The following MID1 variants were observed in gnomAD, a reference collection of about 807,000 sequenced individuals.
The protein encoded by MID1 is E3 ubiquitin-protein ligase Midline-1.
A neutral mutation model predicts 40.4 loss-of-function variants in MID1; 7 were observed. The observed-to-expected ratio is 0.17, with a 90% CI of 0.10 to 0.33. MID1 has a LOEUF of 0.33. Among genes scored for constraint, MID1 ranks in the 10% least tolerant of loss-of-function variants. The pLI is 1.00. For missense variants in MID1, 367 were observed against 558.5 expected (o/e 0.66, Z 3.46); for synonymous variants, 229 against 221.2 (o/e 1.04, Z -0.31).
chrX:10,721,721 A>T (rs1157486058), intron 1 of MID1, among the ~76,000 whole-genome samples: 1 of 44,513 alleles, frequency 2.2e-5, no homozygotes, highest in Non-Finnish European at 6.4e-5. Context: ...TTTAAATCTA[A>T]AAAAAAAAAA....
At chrX:10,750,404 G>C (rs111494131) in intron 1 of MID1, among the ~76,000 whole-genome samples, 8,896 of 110,765 alleles carry the variant, frequency 0.08, 863 homozygotes, top group African/African-American at 0.27. Context: ...GGCTGAGGCA[G>C]GCAGATCACT....
At chrX:10,723,504 A>T (rs375343490) in intron 1 of MID1, among the ~76,000 whole-genome samples, 36 of 113,144 alleles carry the variant, frequency 3.2e-4, no homozygotes, top group African/African-American at 1.1e-3. Context: ...ATCGATTTTT[A>T]AAATGTCATT....
chrX:10,476,061 C>T (rs1045059303), intron 5 of MID1, among the ~76,000 whole-genome samples: 15 of 111,398 alleles, frequency 1.3e-4, no homozygotes, highest in African/African-American at 3.9e-4. Context: ...CACTGACACA[C>T]GCTACGATGT....
Position 10,755,660 on chromosome X carries a change from T to C in MID1, c.-187+77894A>G, listed in dbSNP as rs984948205. Among the ~76,000 whole-genome samples, 34 of 111,933 alleles carry C rather than the reference T, an allele frequency of 3.0e-4. 1 individual carries two copies. The highest frequency in any genetic ancestry group is 6.4e-4 in the Non-Finnish European group (34 of 53,180). The stretch of plus-strand genomic sequence containing the variant: ...GGAATTCCAAATGAACTAAGAAATG[T>C]GGAGCGAGCCAACCTAGTTCAGCGG... On this transcript the variant is annotated intron_variant, in intron 1 of 10. Coordinates refer to the MID1 transcript ENST00000380785.
At chrX:10,743,470 CA>C (rs1332419169) in intron 1 of MID1, among the ~76,000 whole-genome samples, 1 of 112,242 alleles carries the variant, frequency 8.9e-6, no homozygotes, top group African/African-American at 3.2e-5. Flanking sequence ...GCCTTTGTTC[CA>C]TGTTCCAGGA....
At chrX:10,613,718 TATATATATATATATAGAG>T (rs1211450156) in intron 1 of MID1, among the ~76,000 whole-genome samples, 1 of 55,478 alleles carries the variant, frequency 1.8e-5, no homozygotes, top group East Asian at 5.3e-4. Flanking sequence ...TATATATATA[TATATATATATATATAGAG>T]AGAGAGAGAG....
At chrX:10,589,172 A>G (rs1026459602) in intron 1 of MID1, among the ~76,000 whole-genome samples, 1 of 112,009 alleles carries the variant, frequency 8.9e-6, no homozygotes, top group Non-Finnish European at 1.9e-5. Flanking sequence ...AGCCAGGTCA[A>G]AACCAAAACT....
intron 1 of MID1, among the ~76,000 whole-genome samples, chrX:10,770,252 T>C (rs1301092192): frequency 8.9e-6 from 1 of 112,288 alleles, no homozygotes; most frequent in Non-Finnish European, 1.9e-5. Context: ...GATCTTAAGG[T>C]TGATCCCATT....
intron 1 of MID1, among the ~76,000 whole-genome samples, chrX:10,572,104 A>ACTCTCTCT (rs59928523): frequency 9.9e-5 from 7 of 70,409 alleles, no homozygotes; most frequent in Non-Finnish European, 2.1e-4. Context: ...CTTTCTTTTC[A>ACTCTCTCT]CTCTCTCTCT....
chrX:10,575,770 G>C (rs1934856062), intron 1 of MID1, among the ~76,000 whole-genome samples: 1 of 110,936 alleles, frequency 9.0e-6, no homozygotes, highest in Admixed American at 9.7e-5. Flanking sequence ...CATAATGTAG[G>C]CTGTTTCAGT....
At chrX:10,529,825 C>G (rs1227135493) in intron 2 of MID1, among the ~76,000 whole-genome samples, 1 of 112,017 alleles carries the variant, frequency 8.9e-6, no homozygotes, top group East Asian at 2.8e-4. Flanking sequence ...CCCTTCCCAC[C>G]GTACACCCTT....
At chrX:10,812,067 T>C (rs1340483495) in intron 1 of MID1, among the ~76,000 whole-genome samples, 1 of 111,706 alleles carries the variant, frequency 9.0e-6, no homozygotes, top group East Asian at 2.8e-4. Flanking sequence ...TGGGAATCAA[T>C]GCCATAAGAA....
intron 1 of MID1, among the ~76,000 whole-genome samples, chrX:10,758,060 C>T (rs1203701271): frequency 9.1e-6 from 1 of 109,313 alleles, no homozygotes; most frequent in Non-Finnish European, 1.9e-5. Context: ...ACTTCCCAGG[C>T]TCAAGTTATC....
At chrX:10,617,829 T>A in intron 1 of MID1, among the ~76,000 whole-genome samples, 1 of 112,454 alleles carries the variant, frequency 8.9e-6, no homozygotes, top group Middle Eastern at 4.6e-3. Context: ...AAGTTTCCCG[T>A]TTATGATCAG....
chrX:10,675,217 G>T (rs751685882), intron 1 of MID1, among the ~76,000 whole-genome samples: 28 of 112,305 alleles, frequency 2.5e-4, no homozygotes, highest in Non-Finnish European at 5.1e-4. Flanking sequence ...ATGATAATAA[G>T]TGTATTGGCA....
intron 1 of MID1, among the ~76,000 whole-genome samples, chrX:10,778,290 G>T (rs1225335738): frequency 1.8e-5 from 2 of 110,476 alleles, no homozygotes; most frequent in African/African-American, 6.6e-5. Flanking sequence ...GAATTTTTCA[G>T]CTCCATTATA....
chrX:10,459,099 A>C (rs1928864696), intron 8 of MID1, among the ~76,000 whole-genome samples: 1 of 110,550 alleles, frequency 9.0e-6, no homozygotes, highest in Non-Finnish European at 1.9e-5. Flanking sequence ...CCTGGCCTCT[A>C]CTCACTACAT....
At chrX:10,763,789 A>T (rs1360873342) in intron 1 of MID1, among the ~76,000 whole-genome samples, 1 of 111,804 alleles carries the variant, frequency 8.9e-6, no homozygotes, top group Non-Finnish European at 1.9e-5. Context: ...CCAACAGTGT[A>T]AAAGTGTTCC....
At chrX:10,591,893 C>T (rs182027336) in intron 1 of MID1, among the ~76,000 whole-genome samples, 1 of 111,051 alleles carries the variant, frequency 9.0e-6, no homozygotes, top group East Asian at 2.8e-4. Flanking sequence ...CCCTAGTTAG[C>T]CACTGTGGTA....
Sources: gnomAD v4.1 joint callset for allele counts (sites outside exome capture counted in the v4.1 genomes callset) on GRCh38, gnomAD v4.1.1 for gene constraint, MANE v1.5 for transcripts, NCBI Gene and HGNC (gene_info 2026-07-23, HGNC 2026-07-21) for gene names.